The following PALLD variants were observed in gnomAD, a reference collection of about 807,000 sequenced individuals.
PALLD encodes the protein palladin.
Under a neutral mutation model 123.5 loss-of-function variants are expected in PALLD, and 61 were observed. The observed-to-expected ratio is 0.49, with a 90% CI of 0.40 to 0.61. The LOEUF is 0.61. Among genes scored for constraint, PALLD ranks in the 20% least tolerant of loss-of-function variants. The pLI, the probability that PALLD is intolerant of heterozygous loss-of-function variation, is 0.00. For synonymous variants in PALLD, 465 were observed against 496.4 expected, an observed-to-expected ratio of 0.94 and a Z score of 0.84; for missense variants, 1,273 against 1,377.0, an observed-to-expected ratio of 0.92 and a Z score of 1.20.
intron 10 of PALLD, among the ~76,000 whole-genome samples, chr4:168,732,383 G>A (rs1340380693): frequency 1.3e-5 from 2 of 152,128 alleles, no homozygotes; most frequent in African/African-American, 2.4e-5. Flanking sequence ...GAGAAGGCTC[G>A]AAGAAATGTG....
At chr4:168,679,296 T>C (rs1580920517) in intron 3 of PALLD, among the ~76,000 whole-genome samples, 2 of 48,250 alleles carry the variant, frequency 4.1e-5, no homozygotes, top group Non-Finnish European at 7.4e-5. Context: ...TGGATGTGTG[T>C]GGGGGGTGTG....
intron 10 of PALLD, among the ~76,000 whole-genome samples, chr4:168,768,152 C>T (rs919712162): frequency 2.0e-5 from 3 of 152,172 alleles, no homozygotes; most frequent in Non-Finnish European, 4.4e-5. Context: ...GTTCTTTTAT[C>T]TATATTTCTG....
At chr4:168,919,333 G>A (rs1760927592) in intron 17 of PALLD, among the ~76,000 whole-genome samples, 1 of 152,040 alleles carries the variant, frequency 6.6e-6, no homozygotes. Context: ...AGACCAGCCT[G>A]GCCAACATGG....
At chr4:168,742,196 A>G (rs544306959) in intron 10 of PALLD, among the ~76,000 whole-genome samples, 2 of 152,352 alleles carry the variant, frequency 1.3e-5, no homozygotes, top group African/African-American at 4.8e-5. Flanking sequence ...GCTTCTCTGC[A>G]TCACTGGCAA....
At chr4:168,780,104 A>G (rs371481789) in intron 10 of PALLD, among the ~76,000 whole-genome samples, 9 of 152,064 alleles carry the variant, frequency 5.9e-5, no homozygotes, top group East Asian at 1.9e-4. Context: ...TCACCATGTT[A>G]GCCAGGCTGG....
chr4:168,810,665 G>A (rs1253542548), intron 10 of PALLD, among the ~76,000 whole-genome samples: 3 of 151,772 alleles, frequency 2.0e-5, no homozygotes, highest in African/African-American at 4.8e-5. Flanking sequence ...AAAGAAGGCC[G>A]GGCGTGGTGG....
At chr4:168,737,214 G>A (rs1354168923) in intron 10 of PALLD, among the ~76,000 whole-genome samples, 1 of 152,180 alleles carries the variant, frequency 6.6e-6, no homozygotes, top group Admixed American at 6.5e-5. Flanking sequence ...CAAAAGAATG[G>A]AATAGAGGCT....
At chr4:168,918,532 G>A (rs1008168044) in intron 17 of PALLD, among the ~76,000 whole-genome samples, 2 of 152,098 alleles carry the variant, frequency 1.3e-5, no homozygotes, top group African/African-American at 4.8e-5. Flanking sequence ...GGGCTAGACG[G>A]GGAGAGGGAA....
chr4:168,911,890 G>T (rs190678952), intron 15 of PALLD, among the ~76,000 whole-genome samples: 3 of 152,286 alleles, frequency 2.0e-5, no homozygotes, highest in South Asian at 2.1e-4. Context: ...AGTCACATAT[G>T]TAGTGGTATA....
At chr4:168,662,561 A>G (rs1779227829) in intron 2 of PALLD, among the ~76,000 whole-genome samples, 3 of 152,240 alleles carry the variant, frequency 2.0e-5, no homozygotes, top group South Asian at 2.1e-4. Context: ...TGCCTGTGCC[A>G]TGCATTTACC....
rs145473462 is a variant in PALLD at position 168,542,658 on chromosome 4, G to GCT, written c.908+30257_908+30258dup. ...AAGGCTCCCTATATATTTATGTAAA[G>GCT]CTCTCTCTCTCTATATATATATATA... On this transcript the variant is annotated intron_variant, in intron 2 of 21. Transcript: ENST00000505667. 7.3e-4 allele frequency among the ~76,000 whole-genome samples: 53 copies of GCT among 73,036 alleles called. 1 individual carries two copies. Among genetic ancestry groups the GCT allele is most frequent in the African/African-American group, 1.9e-3 (29 of 15,356 alleles). The allele number at this position is 73,036 out of a possible 152,430, so 47.9% of individuals were successfully genotyped here.
At chr4:168,786,277 G>A (rs538851223) in intron 10 of PALLD, among the ~76,000 whole-genome samples, 23 of 152,038 alleles carry the variant, frequency 1.5e-4, no homozygotes, top group Admixed American at 4.6e-4. Context: ...GCAGTGAGCC[G>A]AGATCGCACC....
intron 2 of PALLD, among the ~76,000 whole-genome samples, chr4:168,518,735 C>T (rs925255456): frequency 1.3e-5 from 2 of 152,194 alleles, no homozygotes; most frequent in African/African-American, 4.8e-5. Context: ...CTCCATAGAT[C>T]TCATGTGATA....
chr4:168,783,044 A>ATGTG (rs373278434), intron 10 of PALLD, among the ~76,000 whole-genome samples: 5,601 of 81,960 alleles, frequency 0.068, 159 homozygotes, highest in Admixed American at 0.14. Flanking sequence ...TTTTATATAT[A>ATGTG]TATGTGTGTG....
chr4:168,537,767 A>G lies in PALLD; in HGVS notation c.908+25355A>G, dbSNP rs111660345. The G allele has an allele frequency of 6.6e-4, 100 of 152,364 alleles. 1 individual carries two copies. The highest frequency in any genetic ancestry group is 3.4e-3 in the Middle Eastern group (1 of 294). 9.4% of individuals were successfully genotyped at this position (152,364 alleles called of 1,614,324 possible). On this transcript the variant is annotated intron_variant, in intron 2 of 21. Transcript: ENST00000505667. Reference sequence around the variant, plus strand: ...TGCATGAGCCATAGTGTCTGCTTCAAGTCCTGGCTCAAAGTCAGACTACAA... The same window carrying G: ...TGCATGAGCCATAGTGTCTGCTTCAGGTCCTGGCTCAAAGTCAGACTACAA...
At chr4:168,507,531 T>C (rs1762122519) in intron 1 of PALLD, 1 of 197,044 alleles carries the variant, frequency 5.1e-6, no homozygotes, top group South Asian at 1.9e-4. Context: ...TTCTCCAAAA[T>C]GAAGACGTCC....
At chr4:168,681,906 G>C (rs891559509) in intron 4 of PALLD, among the ~76,000 whole-genome samples, 7 of 152,014 alleles carry the variant, frequency 4.6e-5, no homozygotes, top group African/African-American at 7.3e-5. Flanking sequence ...TTTCATCATT[G>C]ATATGCCAGA....
intron 3 of PALLD, among the ~76,000 whole-genome samples, chr4:168,679,217 GGT>G (rs1212755210): frequency 6.2e-5 from 7 of 112,216 alleles, no homozygotes; most frequent in Admixed American, 1.8e-4. Flanking sequence ...ATGTGTGTGG[GGT>G]GTGTGTGTGT....
At chr4:168,832,911 C>G (rs950337930) in intron 10 of PALLD, 2 of 152,228 alleles carry the variant, frequency 1.3e-5, no homozygotes, top group African/African-American at 4.8e-5. Context: ...CGGGCGCGGG[C>G]CGAACCCGAA....
Sources: gnomAD v4.1 joint callset for allele counts (sites outside exome capture counted in the v4.1 genomes callset) on GRCh38, gnomAD v4.1.1 for gene constraint, MANE v1.5 for transcripts, NCBI Gene and HGNC (gene_info 2026-07-23, HGNC 2026-07-21) for gene names.